FGF6: variants seen among roughly 807,000 people sequenced by gnomAD.
The protein encoded by FGF6 is fibroblast growth factor 6, also known as FGF-6.
Under a neutral mutation model 18.4 loss-of-function variants are expected in FGF6, and 14 were observed. The ratio of observed to expected loss-of-function variants is 0.76; its 90% confidence interval spans 0.50 to 1.19. The LOEUF (loss-of-function observed/expected upper bound fraction) is 1.19. Among genes scored for constraint, FGF6 ranks in the 50% most tolerant of loss-of-function variants. The pLI, the probability that FGF6 is intolerant of heterozygous loss-of-function variation, is 0.00. For synonymous variants in FGF6, 125 were observed against 116.7 expected (o/e 1.07, Z -0.46); for missense variants, 266 against 271.6 (o/e 0.98, Z 0.15).
chr12:4,437,840 A>T (rs993352262), intron 2 of FGF6, among the ~76,000 whole-genome samples: 1 of 149,214 alleles, frequency 6.7e-6, no homozygotes, highest in African/African-American at 2.4e-5. Context: ...ATTCAAATGT[A>T]AAAAAAAAAG....
intron 2 of FGF6, among the ~76,000 whole-genome samples, chr12:4,436,709 G>A (rs1020459132): frequency 2.0e-5 from 3 of 152,214 alleles, no homozygotes; most frequent in African/African-American, 7.2e-5. Flanking sequence ...GCGTGGGTGA[G>A]GGGACAGCCT....
rs1865753075 is a variant in FGF6 at position 4,445,480 on chromosome 12, G to C, written c.91C>G (p.Leu31Val). ...TLWALVFLGILVGMVVPSPAG... is the reference protein window; with the variant it reads ...TLWALVFLGIVVGMVVPSPAG... ...GGCGAGGGCACCACCATGCCCACTA[G>C]GATGCCTAGGAAGACGAGAGCCCAC... The change falls in exon 1 of 3, where the codon CTA (leucine) becomes GTA (valine). Residue 31 changes from leucine to valine, a missense_variant. By Grantham distance (32) the Leu-to-Val change is conservative. Transcript: ENST00000228837. This position sits in a 1 kb window ranked among gnomAD's most constrained non-coding sequence, Gnocchi z 5.5. The C allele has an allele frequency of 6.2e-7, 1 of 1,613,094 alleles. No individual in the cohort carries two copies. The highest frequency in any genetic ancestry group is 8.5e-7 in the Non-Finnish European group (1 of 1,179,994).
intron 2 of FGF6, among the ~76,000 whole-genome samples, chr12:4,437,713 A>G (rs772034418): frequency 2.0e-5 from 3 of 152,244 alleles, no homozygotes; most frequent in Non-Finnish European, 2.9e-5. Flanking sequence ...GTTATTTTAA[A>G]TCACTAGAGA....
intron 2 of FGF6, among the ~76,000 whole-genome samples, chr12:4,443,409 A>G (rs1406325605): frequency 6.6e-6 from 1 of 152,208 alleles, no homozygotes; most frequent in African/African-American, 2.4e-5. Context: ...GCCCCGCCAT[A>G]TTTTGGAATA....
At chr12:4,440,781 C>T (rs1025207417) in intron 2 of FGF6, among the ~76,000 whole-genome samples, 2 of 152,238 alleles carry the variant, frequency 1.3e-5, no homozygotes, top group Non-Finnish European at 2.9e-5. Context: ...TCTCCCAGCA[C>T]TTCCTCATGG....
chr12:4,441,384 C>T (rs1403456293), intron 2 of FGF6, among the ~76,000 whole-genome samples: 4 of 152,156 alleles, frequency 2.6e-5, no homozygotes, highest in African/African-American at 4.8e-5. Flanking sequence ...CCCTGGAGAC[C>T]GGGTGTCCGC....
Position 4,444,225 on chromosome 12 carries a change from T to C in FGF6, c.358A>G (p.Ile120Val), listed in dbSNP as rs139049599. 4.7e-4 allele frequency: 758 copies of C among 1,612,940 alleles called. 1 individual carries two copies. Among genetic ancestry groups the C allele is most frequent in the Non-Finnish European group, 5.9e-4 (698 of 1,179,172 alleles). ...ACCACGCCTCGCTCCACAGTGGAAA[T>C]TTCCAGCAGGCCTGACAAGGAAAGG... ...HEENPYSLLEISTVERGVVSL... is the reference protein window; with the variant it reads ...HEENPYSLLEVSTVERGVVSL... Residue 120 changes from isoleucine (I) to valine (V), a missense_variant, in exon 2 of 3, where the codon ATT becomes GTT. Coordinates refer to ENST00000228837, the MANE Select transcript of FGF6 (RefSeq NM_020996.3).
intron 1 of FGF6, among the ~76,000 whole-genome samples, chr12:4,444,503 T>C (rs2970828): frequency 0.29 from 43,505 of 152,150 alleles, 6,566 homozygotes; most frequent in Middle Eastern, 0.35. Flanking sequence ...CTGTTTAAGA[T>C]GAGCTTTGAA....
chr12:4,440,416 C>T (rs966075382), intron 2 of FGF6, among the ~76,000 whole-genome samples: 1 of 152,148 alleles, frequency 6.6e-6, no homozygotes, highest in Non-Finnish European at 1.5e-5. Context: ...CCGCTGGGGC[C>T]ATTTGTCCCT....
At chr12:4,436,006 A>T (rs1230157299) in intron 2 of FGF6, among the ~76,000 whole-genome samples, 2 of 150,580 alleles carry the variant, frequency 1.3e-5, no homozygotes, top group African/African-American at 4.9e-5. Context: ...ATAACTTCTG[A>T]CTCCTTCTTG....
At chr12:4,436,870 C>T (rs1043130455) in intron 2 of FGF6, among the ~76,000 whole-genome samples, 2 of 152,196 alleles carry the variant, frequency 1.3e-5, no homozygotes, top group African/African-American at 4.8e-5. Flanking sequence ...AGGTTAATGC[C>T]ACACCGGGGG....
chr12:4,443,224 T>C (rs1228060548), intron 2 of FGF6, among the ~76,000 whole-genome samples: 1 of 152,210 alleles, frequency 6.6e-6, no homozygotes, highest in Non-Finnish European at 1.5e-5. Context: ...GTCCTGGATC[T>C]ATTTCTTCAC....
chr12:4,434,221 C>T lies in FGF6; in HGVS notation c.621G>A (p.Arg207=). The change falls in exon 3 of 3, where the codon AGG becomes AGA. Residue 207 remains arginine (R), a synonymous_variant. Transcript: ENST00000228837. ...PIMTVTHFLP[R]I is the part of the protein sequence containing the mutation. The stretch of plus-strand genomic sequence containing the variant: ...AGCCTTCTTTTGTGGGTCCTTAGAT[C>T]CTGGGAAGGAAATGAGTGACAGTCA... The T allele has an allele frequency of 6.2e-7, 1 of 1,613,868 alleles. No individual in the cohort carries two copies.
At chr12:4,434,921 CTG>C (rs1555102086) in intron 2 of FGF6, among the ~76,000 whole-genome samples, 2 of 152,084 alleles carry the variant, frequency 1.3e-5, no homozygotes, top group Non-Finnish European at 2.9e-5. Flanking sequence ...TTTCTGCAGA[CTG>C]TGTGTGGTGG....
intron 2 of FGF6, among the ~76,000 whole-genome samples, chr12:4,443,319 C>A (rs1467218387): frequency 2.0e-5 from 3 of 152,170 alleles, no homozygotes; most frequent in African/African-American, 7.2e-5. Flanking sequence ...TTTTTTGAGG[C>A]CTGCTCTGAG....
chr12:4,434,690 A>G (rs904897008), intron 2 of FGF6, among the ~76,000 whole-genome samples: 3 of 152,172 alleles, frequency 2.0e-5, no homozygotes, highest in African/African-American at 2.4e-5. Context: ...TCTACCACTC[A>G]GGTGTCCTGA....
intron 1 of FGF6, 23 bp from the exon 2 acceptor site, chr12:4,444,259 A>G (rs17183585): frequency 2.7e-6 from 4 of 1,505,358 alleles, no homozygotes; most frequent in Non-Finnish European, 3.7e-6. Flanking sequence ...GGGGGGCCAC[A>G]TTACCTAAGG....
chr12:4,436,260 C>T (rs888556384), intron 2 of FGF6, among the ~76,000 whole-genome samples: 2 of 152,164 alleles, frequency 1.3e-5, no homozygotes, highest in African/African-American at 4.8e-5. Context: ...TCCCAATAGA[C>T]TCCAAGATCC....
Position 4,445,677 on chromosome 12 carries a change from G to T in FGF6, c.-107C>A. On this transcript the variant is annotated 5_prime_UTR_variant, in exon 1 of 3. It adds an upstream start codon to the 5' untranslated region. Coordinates refer to ENST00000228837, the MANE Select transcript of FGF6 (RefSeq NM_020996.3). The surrounding 1 kb of genome is among the most constrained non-coding windows in gnomAD (Gnocchi z 5.5). The stretch of plus-strand genomic sequence containing the variant: ...GGCAGGGGCTTATTTTTGGAAGGCA[G>T]ATGAAGGCTGCTGACATGAAACCAA... 1 of 914,804 alleles carries T rather than the reference G, an allele frequency of 1.1e-6. No homozygotes were observed. The highest frequency in any genetic ancestry group is 1.6e-6 in the Non-Finnish European group (1 of 622,370). The allele number at this position is 914,804 out of a possible 1,614,324, so 56.7% of individuals were successfully genotyped here.
Sources: gnomAD v4.1 joint callset for allele counts (sites outside exome capture counted in the v4.1 genomes callset) on GRCh38, gnomAD v4.1.1 for gene constraint, Gnocchi (gnomAD v3.1) non-coding constraint, MANE v1.5 for transcripts, NCBI Gene and HGNC (gene_info 2026-07-23, HGNC 2026-07-21) for gene names.